Variants in SBF2 observed in about 807,000 individuals in gnomAD.
SBF2 encodes the protein myotubularin-related protein 13.
SBF2 carries 112 observed loss-of-function variants against 225.2 expected under a neutral mutation model. The observed-to-expected ratio is 0.50, with a 90% CI of 0.43 to 0.58. SBF2 has a LOEUF of 0.58. Among genes scored for constraint, SBF2 ranks in the 20% least tolerant of loss-of-function variants. SBF2 has a pLI of 0.00. For synonymous variants in SBF2, 763 were observed against 773.3 expected (o/e 0.99, Z 0.22); for missense variants, 1,996 against 2,206.2 (o/e 0.90, Z 1.91).
Position 9,989,564 on chromosome 11 carries a change from A to G in SBF2, c.1328T>C (p.Val443Ala), listed in dbSNP as rs1295817902. ...LVAFEVERIK[V>A]EENNPVKMIK... ...CATCTTCACTGGGTTATTTTCTTCAACTTTAATTCTCTCTACTTCAAAGGC... is the reference window on the plus strand; with the variant it reads ...CATCTTCACTGGGTTATTTTCTTCAGCTTTAATTCTCTCTACTTCAAAGGC... The change falls in exon 13 of 40, where the codon GTT becomes GCT. Residue 443 changes from valine (V) to alanine (A), a missense_variant. Physicochemically the swap from Val to Ala is moderately conservative, Grantham distance 64 (BLOSUM62 0). Transcript: ENST00000256190. The G allele has an allele frequency of 1.2e-6, 2 of 1,609,804 alleles. No homozygotes were observed. Among genetic ancestry groups the G allele is most frequent in the Non-Finnish European group, 1.7e-6 (2 of 1,176,694 alleles).
intron 3 of SBF2, among the ~76,000 whole-genome samples, chr11:10,039,186 T>C (rs1373390300): frequency 6.6e-6 from 1 of 151,880 alleles, no homozygotes; most frequent in Admixed American, 6.6e-5. Flanking sequence ...CATAGTATAT[T>C]TGGTATGAAG....
intron 2 of SBF2, among the ~76,000 whole-genome samples, chr11:10,073,399 A>G (rs1950969664): frequency 6.6e-6 from 1 of 152,194 alleles, no homozygotes; most frequent in Non-Finnish European, 1.5e-5. Context: ...AGAAAATCAA[A>G]GAAGAAACTA....
intron 1 of SBF2, among the ~76,000 whole-genome samples, chr11:10,231,029 A>T (rs1388688945): frequency 6.6e-6 from 1 of 151,916 alleles, no homozygotes; most frequent in East Asian, 1.9e-4. Flanking sequence ...TTTTTTCTCT[A>T]AACTTCTCTT....
intron 1 of SBF2, among the ~76,000 whole-genome samples, chr11:10,223,649 G>A (rs908075770): frequency 6.6e-6 from 1 of 151,856 alleles, no homozygotes; most frequent in South Asian, 2.1e-4. Flanking sequence ...ACTTTTTCTT[G>A]TAATGGCATG....
At chr11:10,100,262 C>T (rs1486641083) in intron 2 of SBF2, among the ~76,000 whole-genome samples, 1 of 152,228 alleles carries the variant, frequency 6.6e-6, no homozygotes, top group Non-Finnish European at 1.5e-5. Context: ...TGGAATTCAC[C>T]CATCTTGATA....
chr11:10,001,985 G>GT (rs905832242), intron 7 of SBF2, among the ~76,000 whole-genome samples: 14 of 151,614 alleles, frequency 9.2e-5, no homozygotes, highest in Admixed American at 5.3e-4. Flanking sequence ...ATTTTATTTT[G>GT]TTTTTTAGTT....
Position 10,165,912 on chromosome 11 carries a change from A to G in SBF2, c.141+27990T>C, listed in dbSNP as rs1233102106. On this transcript the variant is annotated intron_variant, in intron 2 of 39. Coordinates refer to ENST00000256190, the MANE Select transcript of SBF2 (RefSeq NM_030962.4). Reference sequence around the variant, plus strand: ...CAGTATTTTCAATTATAGTAACTGTACTTTTAGCATATGTCAAGTTAATGG... The same window carrying G: ...CAGTATTTTCAATTATAGTAACTGTGCTTTTAGCATATGTCAAGTTAATGG... 4.6e-5 allele frequency among the ~76,000 whole-genome samples: 7 copies of G among 152,234 alleles called. No homozygotes were observed. The South Asian group carries it at 1.0e-3, about 22-fold the overall frequency.
At chr11:9,993,213 C>G in intron 10 of SBF2, 110 bp from the exon 11 acceptor site, 1 of 752,160 alleles carries the variant, frequency 1.3e-6, no homozygotes, top group Non-Finnish European at 2.3e-6. Flanking sequence ...ATTTTTATAT[C>G]CACCAAAACA....
intron 16 of SBF2, chr11:9,961,167 T>C (rs564493929): frequency 1.3e-5 from 2 of 152,350 alleles, no homozygotes; most frequent in South Asian, 4.1e-4. Flanking sequence ...ATACAAATGA[T>C]ACATTTTCTC....
intron 32 of SBF2, among the ~76,000 whole-genome samples, chr11:9,802,273 A>G (rs1853537532): frequency 6.6e-6 from 1 of 152,168 alleles, no homozygotes; most frequent in African/African-American, 2.4e-5. Flanking sequence ...AGCTAAGCCA[A>G]TTTCTTTTAG....
intron 16 of SBF2, chr11:9,959,135 A>C (rs1397996415): frequency 7.2e-6 from 7 of 973,242 alleles, no homozygotes; most frequent in Non-Finnish European, 1.2e-5. Flanking sequence ...ACACGATGTA[A>C]GATGAAACAG....
intron 2 of SBF2, among the ~76,000 whole-genome samples, chr11:10,150,085 ACCAC>A (rs1955102507): frequency 6.6e-6 from 1 of 152,058 alleles, no homozygotes; most frequent in South Asian, 2.1e-4. Flanking sequence ...TAATAGAATA[ACCAC>A]CCAGTCTCTG....
At chr11:10,219,139 C>T (rs1483044841) in intron 1 of SBF2, among the ~76,000 whole-genome samples, 4 of 152,172 alleles carry the variant, frequency 2.6e-5, no homozygotes, top group African/African-American at 9.6e-5. Context: ...TCCATGAAGA[C>T]TCCACCCCTG....
rs1470955027 is a variant in SBF2, at chr11:9,851,147, AAAC to A, written c.2611-932_2611-930del. Among the ~76,000 whole-genome samples, 106 of 147,266 alleles carry A rather than the reference AAAC, an allele frequency of 7.2e-4. 3 individuals are homozygous for A. The highest frequency in any genetic ancestry group is 2.5e-3 in the African/African-American group (100 of 40,494). On this transcript the variant is annotated intron_variant, in intron 21 of 39. Transcript: ENST00000256190. ...CAAGACTCCATCTCAAAAAAAAAAA[AAAC>A]AACAACAAAAAAAAACCCAGAATAC... is the stretch of plus-strand genomic sequence containing the variant.
intron 2 of SBF2, among the ~76,000 whole-genome samples, chr11:10,129,768 C>A (rs562025496): frequency 6.6e-6 from 1 of 152,046 alleles, no homozygotes; most frequent in East Asian, 1.9e-4. Context: ...GTTTGGGAGG[C>A]CAAAACAGGA....
intron 32 of SBF2, among the ~76,000 whole-genome samples, chr11:9,805,823 C>A (rs529453826): frequency 1.8e-4 from 27 of 152,208 alleles, no homozygotes; most frequent in African/African-American, 4.8e-4. Context: ...GGGGTTTCAC[C>A]ATGTTGGCCA....
chr11:10,232,011 A>C lies in SBF2; in HGVS notation c.56-38024T>G, dbSNP rs576448094. On this transcript the variant is annotated intron_variant, in intron 1 of 39. Coordinates refer to ENST00000256190, the MANE Select transcript of SBF2 (RefSeq NM_030962.4). ...CCTACTCAAGCCTTGGCAATGGCGGACGCCCCTCCCCCAGCCTCACTGCCG... is the reference window on the plus strand; with the variant it reads ...CCTACTCAAGCCTTGGCAATGGCGGCCGCCCCTCCCCCAGCCTCACTGCCG... Among the ~76,000 whole-genome samples the C allele has an allele frequency of 2.0e-5, 3 of 152,152 alleles. No homozygotes were observed. The East Asian group carries it at 5.8e-4, about 29-fold the overall frequency.
chr11:10,220,111 A>G (rs1958289180), intron 1 of SBF2, among the ~76,000 whole-genome samples: 1 of 152,228 alleles, frequency 6.6e-6, no homozygotes, highest in African/African-American at 2.4e-5. Context: ...TAATGGACTC[A>G]CAGTTCCACA....
intron 17 of SBF2, among the ~76,000 whole-genome samples, chr11:9,883,297 A>G (rs1458309424): frequency 6.6e-6 from 1 of 152,106 alleles, no homozygotes. Context: ...GTGGAAAAAA[A>G]AAACAGCCAA....
Sources: gnomAD v4.1 joint callset for allele counts (sites outside exome capture counted in the v4.1 genomes callset) on GRCh38, gnomAD v4.1.1 for gene constraint, MANE v1.5 for transcripts, NCBI Gene and HGNC (gene_info 2026-07-23, HGNC 2026-07-21) for gene names.